PRDM2: variants seen among roughly 807,000 people sequenced by gnomAD.
PRDM2 encodes PR domain zinc finger protein 2.
A neutral mutation model predicts 130.0 loss-of-function variants in PRDM2; 30 were observed. The observed-to-expected ratio is 0.23, with a 90% CI of 0.17 to 0.31. PRDM2 has a LOEUF of 0.31. Ranked by LOEUF, PRDM2 falls within the 10% of genes least tolerant of loss-of-function variation. The pLI is 1.00. For missense variants in PRDM2, 2,011 were observed against 2,108.4 expected, an observed-to-expected ratio of 0.95 and a Z score of 0.90; for synonymous variants, 871 against 782.4, an observed-to-expected ratio of 1.11 and a Z score of -1.89.
chr1:13,712,782 A>G (rs1433264923), intron 1 of PRDM2, among the ~76,000 whole-genome samples: 2 of 143,498 alleles, frequency 1.4e-5, no homozygotes, highest in Non-Finnish European at 3.1e-5. Context: ...AAAAAAAGAA[A>G]TAAAATCTAT....
chr1:13,715,144 G>C (rs1001658403), intron 1 of PRDM2, among the ~76,000 whole-genome samples: 1 of 152,092 alleles, frequency 6.6e-6, no homozygotes, highest in African/African-American at 2.4e-5. Context: ...ATGTAATGGG[G>C]TCTAATGGTG....
chr1:13,759,324 G>C (rs1644041264), intron 6 of PRDM2, among the ~76,000 whole-genome samples: 1 of 152,296 alleles, frequency 6.6e-6, no homozygotes, highest in South Asian at 2.1e-4. Context: ...AGAACCCCAA[G>C]ACGGAATTAT....
chr1:13,755,280 A>T (rs6685755), intron 6 of PRDM2, among the ~76,000 whole-genome samples: 5,318 of 152,220 alleles, frequency 0.035, 114 homozygotes, highest in Middle Eastern at 0.15. Context: ...GCATTTTGCA[A>T]ATTTTTTAGC....
chr1:13,817,727 C>T (rs553932193), intron 9 of PRDM2, among the ~76,000 whole-genome samples: 4 of 152,100 alleles, frequency 2.6e-5, no homozygotes, highest in South Asian at 2.1e-4. Context: ...CAGCCGGGCG[C>T]GGTCGCTCAC....
chr1:13,819,368 G>A (rs1645309913), intron 9 of PRDM2, among the ~76,000 whole-genome samples: 2 of 152,140 alleles, frequency 1.3e-5, no homozygotes, highest in African/African-American at 4.8e-5. Flanking sequence ...TTTCCCAAGC[G>A]AAGCGATCAA....
chr1:13,763,658 G>A (rs940787966), intron 6 of PRDM2, among the ~76,000 whole-genome samples: 2 of 152,160 alleles, frequency 1.3e-5, no homozygotes, highest in African/African-American at 4.8e-5. Flanking sequence ...GTTATATTTT[G>A]TCTCAACCAA....
chr1:13,747,146 G>A (rs1464256517), intron 5 of PRDM2, among the ~76,000 whole-genome samples: 2 of 152,180 alleles, frequency 1.3e-5, no homozygotes, highest in South Asian at 2.1e-4. Flanking sequence ...GAAAATGTCC[G>A]GTGGTATCTT....
intron 8 of PRDM2, among the ~76,000 whole-genome samples, chr1:13,810,746 G>A (rs531613801): frequency 1.3e-4 from 20 of 151,824 alleles, no homozygotes; most frequent in South Asian, 8.3e-4. Flanking sequence ...CGCCCGCCTC[G>A]GCCTCCCAAA....
rs1642316824 is a variant in PRDM2, at chr1:13,709,910, C to G, written c.-65-5631C>G. On this transcript the variant is annotated intron_variant, in intron 1 of 9. Transcript: ENST00000311066. ...TGTCTATTGCAAAGTTAATTATTTTCCAGTTACTCCTCCCTCCCTGCCAGA... is the reference window on the plus strand; with the variant it reads ...TGTCTATTGCAAAGTTAATTATTTTGCAGTTACTCCTCCCTCCCTGCCAGA... 2.6e-5 allele frequency among the ~76,000 whole-genome samples: 4 copies of G among 152,156 alleles called. No individual in the cohort carries two copies. In the South Asian group the frequency reaches 8.3e-4, roughly 32 times the overall value.
intron 7 of PRDM2, among the ~76,000 whole-genome samples, chr1:13,777,056 C>G (rs1284443912): frequency 2.0e-5 from 3 of 152,182 alleles, no homozygotes; most frequent in Non-Finnish European, 4.4e-5. Flanking sequence ...GAAGTAAGCT[C>G]TTGATTTCCC....
chr1:13,767,908 C>T (rs566737855), intron 6 of PRDM2, among the ~76,000 whole-genome samples: 7 of 151,958 alleles, frequency 4.6e-5, no homozygotes, highest in East Asian at 1.9e-4. Flanking sequence ...CCCAGGAGGT[C>T]GAGGCTGCAG....
Position 13,780,743 on chromosome 1 carries a change from C to G in PRDM2, c.2948C>G (p.Ala983Gly). 4 of 1,521,894 alleles carry G rather than the reference C, an allele frequency of 2.6e-6. No homozygotes were observed. The highest frequency in any genetic ancestry group is 2.5e-5 in the East Asian group (1 of 40,254). 94.3% of individuals were successfully genotyped at this position (1,521,894 alleles called of 1,614,324 possible). ...PPPCPPVLTV[A>G]TPPPPLLPTV... ...CCCTGTCCCCCGGTATTAACTGTTG[C>G]CACTCCGCCCCCTCCCCTCCTTCCT... The change falls in exon 8 of 10, where the codon GCC becomes GGC. Residue 983 changes from alanine to glycine, a missense_variant. Physicochemically the swap from Ala to Gly is moderately conservative, Grantham distance 60. Coordinates refer to ENST00000311066, the MANE Select transcript of PRDM2 (RefSeq NM_001393986.1).
chr1:13,767,033 A>G (rs982659665), intron 6 of PRDM2, among the ~76,000 whole-genome samples: 6 of 152,330 alleles, frequency 3.9e-5, no homozygotes, highest in African/African-American at 9.6e-5. Flanking sequence ...AGGCAATTTT[A>G]ATTTTGTAAC....
At chr1:13,747,352 G>A (rs1185091182) in intron 5 of PRDM2, among the ~76,000 whole-genome samples, 3 of 152,116 alleles carry the variant, frequency 2.0e-5, no homozygotes, top group Non-Finnish European at 4.4e-5. Context: ...GTATACATTT[G>A]GAATTTACAC....
rs1645399030 is a variant in PRDM2, at chr1:13,824,239, T to C, written c.*1104T>C. 6.6e-6 allele frequency: 1 copy of C among 152,544 alleles called. No homozygotes were observed. The highest frequency in any genetic ancestry group is 2.4e-5 in the African/African-American group (1 of 41,424). The allele number at this position is 152,544 out of a possible 1,614,324, so 9.4% of individuals were successfully genotyped here. A position where few individuals can be genotyped will look rare whatever the true frequency, so the allele number is the denominator to read the frequency against. ...CCCAGGCAAGGATGTCTGAGACCAC[T>C]TGGGCGCTGTTTTCTCAGCTCCAAT... is the stretch of plus-strand genomic sequence containing the variant. On this transcript the variant is annotated 3_prime_UTR_variant, in exon 10 of 10. Coordinates refer to ENST00000311066, the MANE Select transcript of PRDM2 (RefSeq NM_001393986.1).
At chr1:13,756,939 G>T (rs1643970633) in intron 6 of PRDM2, among the ~76,000 whole-genome samples, 1 of 152,210 alleles carries the variant, frequency 6.6e-6, no homozygotes, top group African/African-American at 2.4e-5. Flanking sequence ...GTTCACACAG[G>T]TCCTAAATAA....
At position 13,803,567 on chromosome 1, in the gene PRDM2, T is replaced by C. The variant is rs1645041433; in HGVS notation, c.5037-12860T>C. On this transcript the variant is annotated intron_variant, in intron 8 of 9. Coordinates refer to ENST00000311066, the MANE Select transcript of PRDM2 (RefSeq NM_001393986.1). This position sits in a 1 kb window ranked among gnomAD's most constrained non-coding sequence, Gnocchi z 6.2. Reference sequence around the variant, plus strand: ...CACTGCTCCCAAGAACAACCTGGAGTATGACTGTGAGCGAGTGCCTTGCTC... The same window carrying C: ...CACTGCTCCCAAGAACAACCTGGAGCATGACTGTGAGCGAGTGCCTTGCTC... Among the ~76,000 whole-genome samples, 1 of 151,988 alleles carries C rather than the reference T, an allele frequency of 6.6e-6. No individual in the cohort carries two copies. The highest frequency in any genetic ancestry group is 6.6e-5 in the Admixed American group (1 of 15,260).
chr1:13,781,359 G>A lies in PRDM2; in HGVS notation c.3564G>A (p.Gly1188=). The change falls in exon 8 of 10, where the codon GGG becomes GGA. Residue 1188 remains glycine, a synonymous_variant. Transcript: ENST00000311066. This position sits in a 1 kb window ranked among gnomAD's most constrained non-coding sequence, Gnocchi z 6.1. ...SEHRFLLHGV[G]NIFVCSVCKK... is the part of the protein sequence containing the mutation. The stretch of plus-strand genomic sequence containing the variant: ...ATCGCTTTTTGCTTCATGGAGTTGG[G>A]AATATCTTTGTGTGTTCTGTTTGTA... 1 of 1,614,138 alleles carries A rather than the reference G, an allele frequency of 6.2e-7. No homozygotes were observed. Among genetic ancestry groups the A allele is most frequent in the Non-Finnish European group, 8.5e-7 (1 of 1,180,018 alleles).
intron 8 of PRDM2, among the ~76,000 whole-genome samples, chr1:13,813,201 C>G (rs2100760390): frequency 6.6e-6 from 1 of 152,322 alleles, no homozygotes; most frequent in East Asian, 1.9e-4. Context: ...TGCAGAAGAT[C>G]AACCTGGAAC....
Sources: allele counts gnomAD v4.1 joint callset (sites outside exome capture counted in the v4.1 genomes callset), GRCh38; gene constraint gnomAD v4.1.1; non-coding constraint Gnocchi (gnomAD v3.1); transcripts MANE v1.5; gene names NCBI Gene and HGNC (gene_info 2026-07-23, HGNC 2026-07-21).